The following SLC16A12 variants were observed in gnomAD, a reference collection of about 807,000 sequenced individuals.
SLC16A12 encodes solute carrier family 16 member 12, also known as monocarboxylate transporter 12.
SLC16A12 carries 17 observed loss-of-function variants against 42.4 expected under a neutral mutation model. The ratio of observed to expected loss-of-function variants is 0.40; its 90% confidence interval spans 0.27 to 0.60. The LOEUF (loss-of-function observed/expected upper bound fraction) is 0.60, where lower values mean the gene tolerates loss of function less well. Among genes scored for constraint, SLC16A12 ranks in the 20% least tolerant of loss-of-function variants. The probability of loss-of-function intolerance (pLI) is 0.42; values close to 1 mark genes in which losing one functional copy is unlikely to be tolerated. For synonymous variants in SLC16A12, 224 were observed against 229.4 expected (o/e 0.98, Z 0.21); for missense variants, 544 against 623.0 (o/e 0.87, Z 1.35).
chr10:89,548,587 G>A (rs761357347), intron 2 of SLC16A12, among the ~76,000 whole-genome samples: 8 of 152,116 alleles, frequency 5.3e-5, no homozygotes, highest in African/African-American at 9.7e-5. Context: ...AGGCTGAGGC[G>A]GGTGGATCAC....
chr10:89,507,553 A>G (rs36035104), intron 2 of SLC16A12, among the ~76,000 whole-genome samples: 12,086 of 151,988 alleles, frequency 0.08, 659 homozygotes, highest in South Asian at 0.18. Flanking sequence ...CAGGCCTGCC[A>G]TAATTACAAG....
intron 3 of SLC16A12, among the ~76,000 whole-genome samples, chr10:89,444,869 CTGGGAAAAT>C (rs750639057): frequency 5.9e-5 from 9 of 152,218 alleles, no homozygotes; most frequent in Non-Finnish European, 1.3e-4. Flanking sequence ...ACATACTGTA[CTGGGAAAAT>C]TGGGGCACTG....
chr10:89,550,831 C>G (rs187971150), intron 2 of SLC16A12, among the ~76,000 whole-genome samples: 14 of 152,186 alleles, frequency 9.2e-5, no homozygotes, highest in African/African-American at 3.4e-4. Context: ...TGTCACCTCC[C>G]CCAGGGGTCT....
chr10:89,441,471 C>G (rs936382384), intron 4 of SLC16A12, among the ~76,000 whole-genome samples: 1 of 152,188 alleles, frequency 6.6e-6, no homozygotes, highest in African/African-American at 2.4e-5. Context: ...TCCTGACCTG[C>G]ATTTCAGGGC....
Position 89,438,667 on chromosome 10 carries a change from A to C in SLC16A12, c.965T>G (p.Met322Arg), listed in dbSNP as rs1432627263. Residue 322 changes from methionine to arginine, a missense_variant, in exon 6 of 8, where the codon ATG becomes AGG. Physicochemically the swap from Met to Arg is moderately conservative, Grantham distance 91. Coordinates refer to ENST00000371790, the MANE Select transcript of SLC16A12 (RefSeq NM_213606.4). Reference protein sequence around the residue: ...GVSHQQAAFLMSILGVIDIIG... With the variant: ...GVSHQQAAFLRSILGVIDIIG... ...AATGTCAATCACTCCAAGTATGGAC[A>C]TAAGAAAAGCAGCTTGCTGATGACT... The C allele has an allele frequency of 1.9e-6, 3 of 1,614,082 alleles. No homozygotes were observed. The South Asian group carries it at 3.3e-5, about 18-fold the overall frequency.
chr10:89,443,894 A>G (rs776413807), intron 3 of SLC16A12, 35 bp from the exon 4 acceptor site: 12 of 1,311,634 alleles, frequency 9.1e-6, no homozygotes, highest in Middle Eastern at 1.8e-4. Flanking sequence ...TATACAAAAA[A>G]TGAATGAGCA....
chr10:89,486,884 T>G (rs1842764449), intron 2 of SLC16A12, among the ~76,000 whole-genome samples: 1 of 152,164 alleles, frequency 6.6e-6, no homozygotes, highest in African/African-American at 2.4e-5. Flanking sequence ...TTCTGCTTAG[T>G]AAATCAAAGG....
intron 6 of SLC16A12, 59 bp from the exon 7 acceptor site, chr10:89,436,378 A>G (rs1841787123): frequency 2.6e-5 from 42 of 1,602,216 alleles, no homozygotes; most frequent in Non-Finnish European, 3.5e-5. Flanking sequence ...AAAGAGCTTT[A>G]GAGCCACGGC....
intron 3 of SLC16A12, among the ~76,000 whole-genome samples, chr10:89,460,216 C>T (rs1842274394): frequency 6.6e-6 from 1 of 152,084 alleles, no homozygotes; most frequent in African/African-American, 2.4e-5. Flanking sequence ...ATGGAAGCTT[C>T]TATATGAAGG....
rs1043115967 is a variant in SLC16A12 at position 89,430,720 on chromosome 10, A to T, written c.*2344T>A. ...AAAATGCAAATCTATGCATGTATAAAGTCAAATCTCCCAAATGTTTTTATA... is the reference window on the plus strand; with the variant it reads ...AAAATGCAAATCTATGCATGTATAATGTCAAATCTCCCAAATGTTTTTATA... On this transcript the variant is annotated 3_prime_UTR_variant, in exon 8 of 8. Coordinates refer to ENST00000371790, the MANE Select transcript of SLC16A12 (RefSeq NM_213606.4). The T allele has an allele frequency of 4.3e-6, 2 of 462,432 alleles. No homozygotes were observed. The highest frequency in any genetic ancestry group is 2.5e-5 in the Admixed American group (1 of 39,612). The allele number at this position is 462,432 out of a possible 1,614,324, so 28.6% of individuals were successfully genotyped here. A position where few individuals can be genotyped will look rare whatever the true frequency, so the allele number is the denominator to read the frequency against.
intron 2 of SLC16A12, among the ~76,000 whole-genome samples, chr10:89,501,842 T>C (rs1355363882): frequency 1.3e-5 from 2 of 152,236 alleles, no homozygotes; most frequent in African/African-American, 4.8e-5. Context: ...CATTTGTTTA[T>C]TATTTGTCTT....
chr10:89,496,610 C>T (rs182945774), intron 2 of SLC16A12, among the ~76,000 whole-genome samples: 18 of 152,244 alleles, frequency 1.2e-4, no homozygotes, highest in African/African-American at 1.4e-4. Flanking sequence ...AATCTTGCAC[C>T]ATTCACAAAA....
chr10:89,507,979 A>G (rs761153778), intron 2 of SLC16A12, among the ~76,000 whole-genome samples: 24 of 152,168 alleles, frequency 1.6e-4, no homozygotes, highest in Non-Finnish European at 2.9e-4. Context: ...AAAGAGACAA[A>G]GAAGGCCATT....
intron 2 of SLC16A12, among the ~76,000 whole-genome samples, chr10:89,477,408 T>C (rs1271150381): frequency 6.6e-6 from 1 of 151,712 alleles, no homozygotes; most frequent in Non-Finnish European, 1.5e-5. Context: ...CTACTAAAAA[T>C]ACAAAATTAG....
chr10:89,466,721 C>CAGACAAG lies in SLC16A12; in HGVS notation c.-46-4104_-46-4098dup, dbSNP rs1408235972. Reference sequence around the variant, plus strand: ...GGAGCCAAGCAGCAGTGTCCCCTTTCAGACAAGTCCTGCACTTCCCCTTTA... The same window carrying CAGACAAG: ...GGAGCCAAGCAGCAGTGTCCCCTTTCAGACAAGAGACAAGTCCTGCACTTCCCCTTTA... On this transcript the variant is annotated intron_variant, in intron 2 of 7. Transcript: ENST00000371790. Among the ~76,000 whole-genome samples, 13 of 152,292 alleles carry CAGACAAG rather than the reference C, an allele frequency of 8.5e-5. No individual in the cohort carries two copies. In the East Asian group the frequency reaches 2.1e-3, roughly 25 times the overall value.
At chr10:89,445,516 A>C (rs1342515401) in intron 3 of SLC16A12, among the ~76,000 whole-genome samples, 1 of 152,250 alleles carries the variant, frequency 6.6e-6, no homozygotes, top group Non-Finnish European at 1.5e-5. Flanking sequence ...GAGGGACCTG[A>C]CTGTTAGAAG....
In SLC16A12 at chr10:89,550,249, G is replaced by A. The variant is rs202159431; in HGVS notation, c.-47+5633C>T. ...TTTTTCTTAAAACTTAAATTAGCAC[G>A]GTGGCTCACACCTGTAATCTCAGCA... is the stretch of plus-strand genomic sequence containing the variant. On this transcript the variant is annotated intron_variant, in intron 2 of 2. Transcript: ENST00000475682. 9.9e-5 allele frequency among the ~76,000 whole-genome samples: 15 copies of A among 152,160 alleles called. No homozygotes were observed. In the East Asian group the frequency reaches 2.5e-3, roughly 26 times the overall value.
chr10:89,522,752 C>T (rs1051424265), intron 2 of SLC16A12, among the ~76,000 whole-genome samples: 3 of 152,120 alleles, frequency 2.0e-5, no homozygotes, highest in Non-Finnish European at 4.4e-5. Flanking sequence ...AGTGACTTAA[C>T]CTCTCTGTAC....
intron 2 of SLC16A12, among the ~76,000 whole-genome samples, chr10:89,483,010 T>G (rs1031221320): frequency 6.6e-6 from 1 of 152,144 alleles, no homozygotes; most frequent in Non-Finnish European, 1.5e-5. Context: ...AAACGGAAAT[T>G]TACTTTCTCA....
Sources: gnomAD v4.1 joint callset for allele counts (sites outside exome capture counted in the v4.1 genomes callset) on GRCh38, gnomAD v4.1.1 for gene constraint, MANE v1.5 for transcripts, NCBI Gene and HGNC (gene_info 2026-07-23, HGNC 2026-07-21) for gene names.